Variants in PTPRM observed in about 807,000 individuals in gnomAD.
PTPRM encodes the protein protein tyrosine phosphatase receptor type M.
In PTPRM, 47 loss-of-function variants were observed where a neutral mutation model predicts 186.7. That is an observed-to-expected ratio of 0.25 (90% CI 0.20 to 0.32). PTPRM has a LOEUF of 0.32. PTPRM is among the 10% of genes least tolerant of loss of function. The pLI is 1.00. For missense variants in PTPRM, 1,494 were observed against 1,865.0 expected, an observed-to-expected ratio of 0.80 and a Z score of 3.66; for synonymous variants, 668 against 674.9, an observed-to-expected ratio of 0.99 and a Z score of 0.16.
chr18:8,385,553 G>C (rs113492221), intron 30 of PTPRM, among the ~76,000 whole-genome samples: 5 of 152,282 alleles, frequency 3.3e-5, no homozygotes, highest in African/African-American at 1.2e-4. Context: ...CCCAAGGCAG[G>C]GCCTTGCATG....
At chr18:8,215,577 C>A (rs547963967) in intron 14 of PTPRM, among the ~76,000 whole-genome samples, 40 of 119,686 alleles carry the variant, frequency 3.3e-4, no homozygotes, top group Non-Finnish European at 6.0e-4. Context: ...GAGACAAGAT[C>A]TGTCGCCCAG....
intron 11 of PTPRM, among the ~76,000 whole-genome samples, chr18:8,093,163 C>G (rs2090840152): frequency 6.6e-6 from 1 of 151,606 alleles, no homozygotes; most frequent in African/African-American, 2.4e-5. Flanking sequence ...ATTTGTTTAT[C>G]TCACTGTCCG....
rs939262058 is a variant in PTPRM at position 8,385,468 on chromosome 18, C to T, written c.4044+782C>T. Among the ~76,000 whole-genome samples the T allele has an allele frequency of 5.9e-5, 9 of 152,292 alleles. No homozygotes were observed. The South Asian group carries it at 1.7e-3, about 28-fold the overall frequency. On this transcript the variant is annotated intron_variant, in intron 30 of 32. Coordinates refer to ENST00000580170, the MANE Select transcript of PTPRM (RefSeq NM_001105244.2). ...AGCATGTGTGCCCTGTGAGCCAAGA[C>T]GGAGGAGTCCAGGGAGCACCGAGGC...
chr18:7,836,312 A>G (rs1444401387), intron 2 of PTPRM, among the ~76,000 whole-genome samples: 2 of 152,154 alleles, frequency 1.3e-5, no homozygotes, highest in African/African-American at 4.8e-5. Context: ...CTATTGTATA[A>G]CTCATTATTT....
Position 7,925,626 on chromosome 18 carries a change from C to T in PTPRM, c.548-942C>T, listed in dbSNP as rs116786346. 4.9e-3 allele frequency among the ~76,000 whole-genome samples: 749 copies of T among 152,214 alleles called. 7 individuals carry two copies. Among genetic ancestry groups the T allele is most frequent in the African/African-American group, 0.017 (709 of 41,534 alleles). On this transcript the variant is annotated intron_variant, in intron 4 of 32. Coordinates refer to ENST00000580170, the MANE Select transcript of PTPRM (RefSeq NM_001105244.2). ...TGACAGATGCATTCTGGTTATTATC[C>T]AGATTTATCTGTCTCTCCCAGAAAG...
intron 1 of PTPRM, among the ~76,000 whole-genome samples, chr18:7,649,340 G>C (rs547588882): frequency 2.0e-5 from 3 of 152,294 alleles, no homozygotes; most frequent in African/African-American, 7.2e-5. Context: ...CCATTTTGTA[G>C]TCTACGGATC....
At chr18:7,925,340 A>C (rs372481139) in intron 4 of PTPRM, among the ~76,000 whole-genome samples, 8 of 152,210 alleles carry the variant, frequency 5.3e-5, no homozygotes, top group African/African-American at 1.7e-4. Flanking sequence ...CATGCTGAGC[A>C]TCATGAATAC....
In PTPRM at chr18:8,376,609, C is replaced by A. The variant is rs765153389; in HGVS notation, c.3462+12C>A. ...TGGTGCAAACAGAGGTACTCCCGCTCATCACCTAGCCTGGGGCCTTGGTCC... is the reference window on the plus strand; with the variant it reads ...TGGTGCAAACAGAGGTACTCCCGCTAATCACCTAGCCTGGGGCCTTGGTCC... On this transcript the variant is annotated intron_variant, in intron 26 of 32. Transcript: ENST00000580170. 1 of 1,607,518 alleles carries A rather than the reference C, an allele frequency of 6.2e-7. No homozygotes were observed. Among genetic ancestry groups the A allele is most frequent in the South Asian group, 1.1e-5 (1 of 90,574 alleles).
chr18:7,973,567 G>T (rs2054720448), intron 7 of PTPRM, among the ~76,000 whole-genome samples: 2 of 151,832 alleles, frequency 1.3e-5, no homozygotes, highest in East Asian at 1.9e-4. Context: ...TTTTTAAATT[G>T]TAGGGATACT....
At chr18:8,345,974 A>G (rs186260267) in intron 23 of PTPRM, among the ~76,000 whole-genome samples, 1 of 152,330 alleles carries the variant, frequency 6.6e-6, no homozygotes, top group Admixed American at 6.5e-5. Flanking sequence ...AAGTGACCAG[A>G]CAAGGGGGGA....
At chr18:7,712,572 G>A (rs543979042) in intron 1 of PTPRM, among the ~76,000 whole-genome samples, 27 of 151,940 alleles carry the variant, frequency 1.8e-4, no homozygotes, top group East Asian at 5.9e-4. Context: ...AATCTCCTGC[G>A]AACTAAAGGA....
rs377182615 is a variant in PTPRM, at chr18:7,842,930, G to GTGTGTATATATA, written c.197-45175_197-45174insGTGTATATATAT. ...CTCATATGTGTGTGTGTGTGTGTGT[G>GTGTGTATATATA]TATATATATATATATATAGAGAGAG... On this transcript the variant is annotated intron_variant, in intron 2 of 32. Transcript: ENST00000580170. Among the ~76,000 whole-genome samples the GTGTGTATATATA allele has an allele frequency of 2.6e-3, 263 of 100,890 alleles. 3 individuals are homozygous for GTGTGTATATATA. Among genetic ancestry groups the GTGTGTATATATA allele is most frequent in the African/African-American group, 0.011 (224 of 20,170 alleles). 66.2% of individuals were successfully genotyped at this position (100,890 alleles called of 152,430 possible). A position where few individuals can be genotyped will look rare whatever the true frequency, so the allele number is the denominator to read the frequency against.
At chr18:7,813,487 A>G (rs2145510198) in intron 2 of PTPRM, among the ~76,000 whole-genome samples, 1 of 152,260 alleles carries the variant, frequency 6.6e-6, no homozygotes, top group Non-Finnish European at 1.5e-5. Context: ...GAAATACTCA[A>G]ATATTGAAGA....
chr18:7,895,575 G>A (rs1435945424), intron 3 of PTPRM, among the ~76,000 whole-genome samples: 1 of 152,174 alleles, frequency 6.6e-6, no homozygotes, highest in Non-Finnish European at 1.5e-5. Flanking sequence ...TGCATCTCAA[G>A]GACCAGGTGC....
chr18:8,289,807 G>C (rs11876028), intron 19 of PTPRM, among the ~76,000 whole-genome samples: 16,744 of 151,868 alleles, frequency 0.11, 984 homozygotes, highest in South Asian at 0.17. Flanking sequence ...GCAATAAAAA[G>C]TGGCCAGAGA....
chr18:7,820,819 C>G (rs550917471), intron 2 of PTPRM, among the ~76,000 whole-genome samples: 14 of 152,322 alleles, frequency 9.2e-5, no homozygotes, highest in Admixed American at 6.5e-4. Flanking sequence ...CTTCACAGCA[C>G]AGAGACCAAA....
intron 4 of PTPRM, among the ~76,000 whole-genome samples, chr18:7,925,984 A>G (rs2146793415): frequency 6.6e-6 from 1 of 152,374 alleles, no homozygotes; most frequent in Middle Eastern, 3.4e-3. Context: ...AAGAATCAGC[A>G]AACATTGCCA....
intron 2 of PTPRM, among the ~76,000 whole-genome samples, chr18:7,836,714 T>C (rs2377577): frequency 0.66 from 100,195 of 152,046 alleles, 33,540 homozygotes; most frequent in East Asian, 0.96. Context: ...TTGTCTATGA[T>C]AGTCTTTATT....
chr18:7,949,256 G>A lies in PTPRM; in HGVS notation c.739G>A (p.Val247Ile), dbSNP rs747627466. 2.5e-6 allele frequency: 4 copies of A among 1,613,164 alleles called. No homozygotes were observed. The East Asian group carries it at 6.7e-5, about 27-fold the overall frequency. ...CCGACGCTTCATTGCTTCATTTAAT[G>A]TTGTGAATACCACCAAACGAGATGC... ...SSRRFIASFN[V>I]VNTTKRDAGK... Residue 247 changes from valine to isoleucine, a missense_variant, in exon 6 of 33, where the codon GTT becomes ATT. Transcript: ENST00000580170.
Sources: allele counts gnomAD v4.1 joint callset (sites outside exome capture counted in the v4.1 genomes callset), GRCh38; gene constraint gnomAD v4.1.1; transcripts MANE v1.5; gene names NCBI Gene and HGNC (gene_info 2026-07-23, HGNC 2026-07-21).